The following SEL1L variants were observed in gnomAD, a reference collection of about 807,000 sequenced individuals.
SEL1L encodes SEL1L adaptor subunit of SYVN1 ubiquitin ligase, also known as protein sel-1 homolog 1.
A neutral mutation model predicts 109.8 loss-of-function variants in SEL1L; 52 were observed. The observed-to-expected ratio is 0.47, with a 90% CI of 0.38 to 0.60. The LOEUF is 0.60. SEL1L is among the 20% of genes least tolerant of loss of function. SEL1L has a pLI of 0.00. For synonymous variants in SEL1L, 373 were observed against 339.6 expected, an observed-to-expected ratio of 1.10 and a Z score of -1.08; for missense variants, 749 against 962.2, an observed-to-expected ratio of 0.78 and a Z score of 2.93.
intron 16 of SEL1L, among the ~76,000 whole-genome samples, chr14:81,486,894 G>A (rs1000194004): frequency 1.3e-5 from 2 of 151,928 alleles, no homozygotes; most frequent in African/African-American, 4.8e-5. Flanking sequence ...CTAAGAGAGA[G>A]CTAAGAGACA....
At chr14:81,482,771 C>A (rs1221050194) in intron 19 of SEL1L, among the ~76,000 whole-genome samples, 1 of 151,906 alleles carries the variant, frequency 6.6e-6, no homozygotes, top group Non-Finnish European at 1.5e-5. Context: ...AGAAAATGTC[C>A]AAATGTGAAC....
In SEL1L at chr14:81,495,142, A is replaced by G. The variant is rs1566974334; in HGVS notation, c.1129-5T>C. The G allele has an allele frequency of 6.2e-7, 1 of 1,613,952 alleles. No individual in the cohort carries two copies. ...GTGCAGTTGTCCAAGACCAACCTGA[A>G]AATGATCACAAACAAGGCAAAAGTA... On this transcript the variant is annotated splice_polypyrimidine_tract_variant and splice_region_variant and intron_variant, in intron 10 of 20. Coordinates refer to ENST00000336735, the MANE Select transcript of SEL1L (RefSeq NM_005065.6).
chr14:81,500,045 A>G (rs1883938292), intron 6 of SEL1L, among the ~76,000 whole-genome samples: 1 of 151,458 alleles, frequency 6.6e-6, no homozygotes, highest in Non-Finnish European at 1.5e-5. Context: ...AGCTGGGACT[A>G]TGTAGAGGCG....
chr14:81,510,700 A>G (rs1158320571), intron 3 of SEL1L, among the ~76,000 whole-genome samples: 2 of 152,164 alleles, frequency 1.3e-5, no homozygotes, highest in African/African-American at 4.8e-5. Context: ...ATATTTAAAT[A>G]AGAAAATTAT....
In SEL1L at chr14:81,485,744, C is replaced by T; in HGVS notation, c.1801G>A (p.Glu601Lys). The change falls in exon 18 of 21, where the codon GAA (glutamate) becomes AAA (lysine). Residue 601 changes from glutamate to lysine, a missense_variant and splice_region_variant. Transcript: ENST00000336735. Reference protein sequence around the residue: ...SNAAFILDQREASIVGENETY... With the variant: ...SNAAFILDQRKASIVGENETY... The stretch of plus-strand genomic sequence containing the variant: ...TCATTCTCACCTACAATGCTTGCTT[C>T]TCCTACAGGAAAAGAAATGAAATAC... 1 of 1,613,444 alleles carries T rather than the reference C, an allele frequency of 6.2e-7. No individual in the cohort carries two copies. The highest frequency in any genetic ancestry group is 1.7e-4 in the Middle Eastern group (1 of 6,024).
chr14:81,509,555 A>G (rs1884378679), intron 3 of SEL1L, among the ~76,000 whole-genome samples: 1 of 152,242 alleles, frequency 6.6e-6, no homozygotes, highest in Admixed American at 6.5e-5. Context: ...ACTTATTGTA[A>G]TAATGAACAG....
At chr14:81,509,919 C>T (rs564957287) in intron 3 of SEL1L, among the ~76,000 whole-genome samples, 1 of 152,124 alleles carries the variant, frequency 6.6e-6, no homozygotes, top group African/African-American at 2.4e-5. Flanking sequence ...CAAATGAACT[C>T]AAAGATCTAC....
intron 10 of SEL1L, among the ~76,000 whole-genome samples, chr14:81,495,948 A>C (rs1883730232): frequency 6.6e-6 from 1 of 152,094 alleles, no homozygotes; most frequent in Non-Finnish European, 1.5e-5. Flanking sequence ...AAAACAAACA[A>C]ATGAATAAAC....
chr14:81,486,562 ATTTCTGGCAGC>A, intron 16 of SEL1L, 108 bp from the exon 17 acceptor site: 1 of 1,018,284 alleles, frequency 9.8e-7, no homozygotes, highest in East Asian at 2.5e-5. Flanking sequence ...TGCTCCTTCA[ATTTCTGGCAGC>A]TTTCTTGAAC....
At chr14:81,501,367 T>G (rs760176030) in intron 6 of SEL1L, among the ~76,000 whole-genome samples, 1 of 152,140 alleles carries the variant, frequency 6.6e-6, no homozygotes, top group Non-Finnish European at 1.5e-5. Context: ...GTTCTAATAT[T>G]AGAGGGAACT....
intron 8 of SEL1L, chr14:81,498,822 A>G (rs978129521): frequency 3.9e-5 from 7 of 180,328 alleles, no homozygotes; most frequent in African/African-American, 1.6e-4. Context: ...AATCTTAGAC[A>G]TAATTTTATT....
chr14:81,477,272 TTAAAA>T (rs1903192092), intron 20 of SEL1L, 91 bp from the exon 21 acceptor site: 2 of 1,033,548 alleles, frequency 1.9e-6, no homozygotes, highest in African/African-American at 1.6e-5. Context: ...AGTACAGAAA[TTAAAA>T]TAATTTGTTT....
At position 81,502,744 on chromosome 14, in the gene SEL1L, C is replaced by T. The variant is rs781599032; in HGVS notation, c.754G>A (p.Glu252Lys). Residue 252 changes from glutamate (E) to lysine (K), a missense_variant, in exon 6 of 21, where the codon GAA (glutamate) becomes AAA (lysine). Glu to Lys is a moderately conservative substitution (Grantham distance 56). Transcript: ENST00000336735. ...ACAGTCTGTCCCTTGGGAGAGCCTT[C>T]CTCAGTCAGCTTCTCAAACATCTCT... The part of the protein sequence containing the change: ...AREMFEKLTE[E>K]GSPKGQTALG... The T allele has an allele frequency of 5.0e-6, 8 of 1,614,030 alleles. No homozygotes were observed. Among genetic ancestry groups the T allele is most frequent in the Non-Finnish European group, 6.8e-6 (8 of 1,179,936 alleles).
rs1903156570 is a variant in SEL1L at position 81,476,291 on chromosome 14, A to C, written c.*681T>G. 1 of 152,194 alleles carries C rather than the reference A, an allele frequency of 6.6e-6. No individual in the cohort carries two copies. The highest frequency in any genetic ancestry group is 6.5e-5 in the Admixed American group (1 of 15,272). 9.4% of individuals were successfully genotyped at this position (152,194 alleles called of 1,614,324 possible). On this transcript the variant is annotated 3_prime_UTR_variant, in exon 21 of 21. Coordinates refer to ENST00000336735, the MANE Select transcript of SEL1L (RefSeq NM_005065.6). ...AAGTATATTCCATTCCAAAGAAGTAAAGCTCACAAAAAACTCCTTAACAAG... is the reference window on the plus strand; with the variant it reads ...AAGTATATTCCATTCCAAAGAAGTACAGCTCACAAAAAACTCCTTAACAAG...
chr14:81,481,790 T>C (rs1322742756), intron 19 of SEL1L, among the ~76,000 whole-genome samples: 2 of 152,112 alleles, frequency 1.3e-5, no homozygotes, highest in Non-Finnish European at 1.5e-5. Flanking sequence ...CCCAGCACTT[T>C]GGGAGACCGA....
At chr14:81,497,142 G>A (rs988158215) in intron 10 of SEL1L, among the ~76,000 whole-genome samples, 1 of 152,026 alleles carries the variant, frequency 6.6e-6, no homozygotes, top group Non-Finnish European at 1.5e-5. Flanking sequence ...ATGTTTAATT[G>A]AACAAGTTTA....
In SEL1L at chr14:81,476,993, T is replaced by C. The variant is rs777500667; in HGVS notation, c.2364A>G (p.Pro788=). ...RPAPPQQEGP[P]EQQPPQ ...CCTATTACTGTGGTGGCTGCTGCTC[T>C]GGTGGCCCCTCCTGCTGGGGTGGAG... Residue 788 remains proline, a synonymous_variant, in exon 21 of 21, where the codon CCA becomes CCG. Transcript: ENST00000336735. The C allele has an allele frequency of 6.2e-7, 1 of 1,614,210 alleles. No individual in the cohort carries two copies. Among genetic ancestry groups the C allele is most frequent in the South Asian group, 1.1e-5 (1 of 91,074 alleles).
chr14:81,488,919 T>C, intron 14 of SEL1L: 1 of 291,732 alleles, frequency 3.4e-6, no homozygotes, highest in Non-Finnish European at 6.4e-6. Context: ...CAGTTATGCA[T>C]TTTGTCAGGA....
rs141840512 is a variant in SEL1L, at chr14:81,527,740, T to C, written c.71-2A>G. The C allele has an allele frequency of 1.1e-5, 17 of 1,599,488 alleles. No individual in the cohort carries two copies. In the African/African-American group the frequency reaches 1.5e-4, roughly 14 times the overall value. ...ATTCATCCTGGCTGCCTTCTTCATC[T>C]GCAAAGAAATTTTAAGACAATTTAG... On this transcript the variant is annotated splice_acceptor_variant, in intron 1 of 20. Coordinates refer to ENST00000336735, the MANE Select transcript of SEL1L (RefSeq NM_005065.6). LOFTEE classifies it high-confidence loss of function.
Sources: gnomAD v4.1 joint callset for allele counts (sites outside exome capture counted in the v4.1 genomes callset) on GRCh38, gnomAD v4.1.1 for gene constraint, MANE v1.5 for transcripts, NCBI Gene and HGNC (gene_info 2026-07-23, HGNC 2026-07-21) for gene names.